The following WWOX variants were observed in gnomAD, a reference collection of about 807,000 sequenced individuals.
WWOX encodes the protein WW domain containing oxidoreductase.
A neutral mutation model predicts 46.2 loss-of-function variants in WWOX; 69 were observed. That is an observed-to-expected ratio of 1.49 (90% CI 1.23 to 1.82). WWOX has a LOEUF of 1.82. Ranked by LOEUF, WWOX falls within the 40% of genes most tolerant of loss-of-function variation. The pLI is 0.00. For synonymous variants in WWOX, 359 were observed against 202.6 expected, an observed-to-expected ratio of 1.77 and a Z score of -6.56; for missense variants, 919 against 542.6, an observed-to-expected ratio of 1.69 and a Z score of -6.89.
At chr16:78,515,360 C>A (rs980689072) in intron 8 of WWOX, among the ~76,000 whole-genome samples, 26 of 152,228 alleles carry the variant, frequency 1.7e-4, no homozygotes, top group African/African-American at 6.3e-4. Flanking sequence ...TCAGACTCTG[C>A]GTACAGCTAA....
rs538637714 is a variant in WWOX, at chr16:78,380,542, A to C, written c.517-6318A>C. Among the ~76,000 whole-genome samples, 172 of 152,286 alleles carry C rather than the reference A, an allele frequency of 1.1e-3. 2 individuals carry two copies. The highest frequency in any genetic ancestry group is 3.7e-3 in the African/African-American group (155 of 41,560). On this transcript the variant is annotated intron_variant, in intron 5 of 8. Transcript: ENST00000566780. ...GAAGAGTGAAGCACTGCACTCTTTAAGGATAGGGCTGAATGGTTTATCACC... is the reference window on the plus strand; with the variant it reads ...GAAGAGTGAAGCACTGCACTCTTTACGGATAGGGCTGAATGGTTTATCACC...
rs138517921 is a variant in WWOX at position 78,806,373 on chromosome 16, G to T, written c.1056+373621G>T. 4.1e-3 allele frequency among the ~76,000 whole-genome samples: 620 copies of T among 152,196 alleles called. 4 individuals carry two copies. The highest frequency in any genetic ancestry group is 0.031 in the Middle Eastern group (9 of 294). On this transcript the variant is annotated intron_variant, in intron 8 of 8. Transcript: ENST00000566780. The stretch of plus-strand genomic sequence containing the variant: ...GCATAACAAACCACCCCCAAATTTA[G>T]TGGCTTAAAACAACAACATTTATTT...
chr16:79,139,546 T>C, intron 8 of WWOX, among the ~76,000 whole-genome samples: 1 of 152,270 alleles, frequency 6.6e-6, no homozygotes, highest in East Asian at 1.9e-4. Flanking sequence ...TTAGCTTCTT[T>C]GGAATCGAGC....
intron 5 of WWOX, among the ~76,000 whole-genome samples, chr16:78,376,919 G>C (rs2081843248): frequency 6.6e-6 from 1 of 152,180 alleles, no homozygotes; most frequent in Non-Finnish European, 1.5e-5. Flanking sequence ...AAAATCCTTT[G>C]AACCAGAACA....
intron 5 of WWOX, among the ~76,000 whole-genome samples, chr16:78,210,745 T>G (rs2036534849): frequency 6.6e-6 from 1 of 152,244 alleles, no homozygotes; most frequent in Non-Finnish European, 1.5e-5. Context: ...GGTGGCCAAG[T>G]GGCATTTCAT....
At chr16:78,775,302 C>A (rs865921123) in intron 8 of WWOX, among the ~76,000 whole-genome samples, 75 of 152,244 alleles carry the variant, frequency 4.9e-4, no homozygotes, top group African/African-American at 1.8e-3. Context: ...TTTGACTGTT[C>A]ACAGCAATGC....
At chr16:78,537,386 A>G (rs1402796548) in intron 8 of WWOX, among the ~76,000 whole-genome samples, 3 of 152,190 alleles carry the variant, frequency 2.0e-5, no homozygotes, top group Non-Finnish European at 4.4e-5. Context: ...GTCCTAAATC[A>G]CGTGTCTTCT....
intron 5 of WWOX, among the ~76,000 whole-genome samples, chr16:78,218,770 G>A (rs923911317): frequency 1.2e-4 from 18 of 152,220 alleles, no homozygotes; most frequent in African/African-American, 4.3e-4. Context: ...GTGCAGTGTG[G>A]AAGCACGCTT....
At chr16:78,746,613 G>C (rs953343931) in intron 8 of WWOX, among the ~76,000 whole-genome samples, 3 of 151,592 alleles carry the variant, frequency 2.0e-5, no homozygotes, top group Non-Finnish European at 4.4e-5. Flanking sequence ...TTTTTTCATG[G>C]GATATTAGTC....
chr16:78,210,913 T>A (rs1180592636), intron 5 of WWOX, among the ~76,000 whole-genome samples: 3 of 152,224 alleles, frequency 2.0e-5, no homozygotes, highest in African/African-American at 7.2e-5. Flanking sequence ...TATTTATAGT[T>A]AAAGATTCTG....
chr16:79,029,189 G>C (rs984974496), intron 8 of WWOX, among the ~76,000 whole-genome samples: 8 of 152,112 alleles, frequency 5.3e-5, no homozygotes, highest in Admixed American at 6.5e-5. Flanking sequence ...TGGGACTTTG[G>C]GTACAGATGC....
intron 8 of WWOX, among the ~76,000 whole-genome samples, chr16:78,755,907 T>A (rs1413961020): frequency 6.6e-6 from 1 of 152,162 alleles, no homozygotes; most frequent in African/African-American, 2.4e-5. Context: ...ATAGGATTTT[T>A]GTCAGGACGC....
At chr16:78,225,921 A>G (rs760807897) in intron 5 of WWOX, among the ~76,000 whole-genome samples, 16 of 152,166 alleles carry the variant, frequency 1.1e-4, no homozygotes, top group Non-Finnish European at 2.2e-4. Context: ...TAAATAGTGC[A>G]TTGTCTGTTT....
chr16:78,884,832 C>G (rs1056833455), intron 8 of WWOX, among the ~76,000 whole-genome samples: 14 of 152,194 alleles, frequency 9.2e-5, no homozygotes, highest in African/African-American at 2.9e-4. Context: ...AGTTCATGGA[C>G]AAATACAAAA....
chr16:78,427,527 C>G (rs1173630637), intron 7 of WWOX, among the ~76,000 whole-genome samples: 2 of 148,080 alleles, frequency 1.4e-5, no homozygotes, highest in Non-Finnish European at 3.0e-5. Flanking sequence ...CAAAATCACA[C>G]ATACACGCAC....
At chr16:78,529,480 T>G (rs2043566396) in intron 8 of WWOX, among the ~76,000 whole-genome samples, 1 of 152,102 alleles carries the variant, frequency 6.6e-6, no homozygotes, top group Non-Finnish European at 1.5e-5. Context: ...TTTTTTTTAT[T>G]TTTTGAGATG....
chr16:78,631,592 A>T (rs909712092), intron 8 of WWOX, among the ~76,000 whole-genome samples: 6 of 146,768 alleles, frequency 4.1e-5, no homozygotes, highest in Non-Finnish European at 7.4e-5. Context: ...AGGGTCTAGC[A>T]CAGTGGCACG....
chr16:79,066,030 G>T (rs1413788276), intron 8 of WWOX, among the ~76,000 whole-genome samples: 1 of 152,200 alleles, frequency 6.6e-6, no homozygotes. Context: ...AATCCAGTCT[G>T]TTCATCATGA....
At chr16:78,958,697 A>T (rs1567438450) in intron 8 of WWOX, among the ~76,000 whole-genome samples, 1 of 152,204 alleles carries the variant, frequency 6.6e-6, no homozygotes, top group Non-Finnish European at 1.5e-5. Flanking sequence ...TGAAATATAA[A>T]TTACATGGTA....
Sources: gnomAD v4.1 joint callset for allele counts (sites outside exome capture counted in the v4.1 genomes callset) on GRCh38, gnomAD v4.1.1 for gene constraint, MANE v1.5 for transcripts, NCBI Gene and HGNC (gene_info 2026-07-23, HGNC 2026-07-21) for gene names.